Variants in PATE2 observed in about 807,000 individuals in gnomAD.
The protein encoded by PATE2 is prostate and testis expressed protein 2.
In PATE2, 7 loss-of-function variants were observed where a neutral mutation model predicts 10.5. The observed-to-expected ratio is 0.66, with a 90% CI of 0.38 to 1.25. The LOEUF (loss-of-function observed/expected upper bound fraction) is 1.25, where lower values mean the gene tolerates loss of function less well. Among genes scored for constraint, PATE2 ranks in the 50% most tolerant of loss-of-function variants. The probability of loss-of-function intolerance (pLI) is 0.02; values close to 1 mark genes in which losing one functional copy is unlikely to be tolerated. For missense variants in PATE2, 133 were observed against 135.4 expected, an observed-to-expected ratio of 0.98 and a Z score of 0.09; for synonymous variants, 44 against 46.9, an observed-to-expected ratio of 0.94 and a Z score of 0.25.
rs1479782456 is a variant in PATE2, at chr11:125,776,595, A to G, written c.*787T>C. ...CTACTACACCACCTGCCACATTATCAGCATTTTGTTTGCTCAGTCCCATGA... is the reference window on the plus strand; with the variant it reads ...CTACTACACCACCTGCCACATTATCGGCATTTTGTTTGCTCAGTCCCATGA... On this transcript the variant is annotated 3_prime_UTR_variant, in exon 4 of 4. Coordinates refer to ENST00000358524, the MANE Select transcript of PATE2 (RefSeq NM_212555.3). The G allele has an allele frequency of 6.6e-6, 1 of 152,188 alleles. No homozygotes were observed. Among genetic ancestry groups the G allele is most frequent in the East Asian group, 1.9e-4 (1 of 5,196 alleles). 9.4% of individuals were successfully genotyped at this position (152,188 alleles called of 1,614,324 possible).
At position 125,778,022 on chromosome 11, in the gene PATE2, G is replaced by A; in HGVS notation, c.77-20C>T. 1.2e-6 allele frequency: 2 copies of A among 1,610,376 alleles called. No homozygotes were observed. The highest frequency in any genetic ancestry group is 1.7e-6 in the Non-Finnish European group (2 of 1,178,726). ...CAGTCGCTGCCAGATACAAAAAGAG[G>A]TGCTTAGAGGATGCAGTCTTGAGAA... On this transcript the variant is annotated intron_variant, in intron 2 of 3. Transcript: ENST00000358524.
At position 125,777,971 on chromosome 11, in the gene PATE2, T is replaced by C. The variant is rs1203524478; in HGVS notation, c.108A>G (p.Lys36=). 1.9e-6 allele frequency: 3 copies of C among 1,613,036 alleles called. No individual in the cohort carries two copies. Among genetic ancestry groups the C allele is most frequent in the African/African-American group, 2.7e-5 (2 of 74,868 alleles). Residue 36 remains lysine (K), a synonymous_variant, in exon 3 of 4, where the codon AAA becomes AAG. Transcript: ENST00000358524. The part of the protein sequence containing the change: ...ATEIMCYECK[K]YHLGLCYGVM... ...CACCATAGCATAACCCAAGATGATA[T>C]TTTTTACATTCATAACACATTATTT...
At position 125,778,578 on chromosome 11, in the gene PATE2, G is replaced by C. The variant is rs572731012; in HGVS notation, c.53-3C>G. The C allele has an allele frequency of 9.9e-6, 16 of 1,613,462 alleles. No homozygotes were observed. In the East Asian group the frequency reaches 3.3e-4, roughly 34 times the overall value. On this transcript the variant is annotated splice_polypyrimidine_tract_variant and splice_region_variant and intron_variant, in intron 1 of 3. Transcript: ENST00000358524. ...TTTTATAGGGTCATGAAGTTCACCT[G>C]TGAAAAGAAGAAAAACCTTCCATGT...
chr11:125,777,324 G>A lies in PATE2; in HGVS notation c.*58C>T. The stretch of plus-strand genomic sequence containing the variant: ...GAGGAGAGCAAAATTCAGGTTCAGG[G>A]AAGAGAAAAAGAGCGTAGTGGTTGA... On this transcript the variant is annotated 3_prime_UTR_variant, in exon 4 of 4. Coordinates refer to ENST00000358524, the MANE Select transcript of PATE2 (RefSeq NM_212555.3). 1.3e-6 allele frequency: 2 copies of A among 1,579,826 alleles called. No individual in the cohort carries two copies. Among genetic ancestry groups the A allele is most frequent in the Non-Finnish European group, 1.7e-6 (2 of 1,154,596 alleles).
chr11:125,778,087 C>A (rs1365081), intron 2 of PATE2, 85 bp from the exon 3 acceptor site: 19 of 1,452,088 alleles, frequency 1.3e-5, no homozygotes, highest in South Asian at 3.8e-5. Flanking sequence ...GGACCTTATT[C>A]TTGCCTAGTG....
intron 1 of PATE2, 60 bp from the exon 2 acceptor site, chr11:125,778,635 A>G: frequency 6.2e-7 from 1 of 1,612,032 alleles, no homozygotes; most frequent in Non-Finnish European, 8.5e-7. Flanking sequence ...CACTGCCCCA[A>G]GAGCCAATTT....
intron 1 of PATE2, 71 bp downstream of exon 1, chr11:125,778,651 A>G (rs1943509842): frequency 1.2e-6 from 2 of 1,612,204 alleles, no homozygotes; most frequent in Non-Finnish European, 1.7e-6. Flanking sequence ...AATTTTGAAA[A>G]CTTTCTCTTC....
chr11:125,778,522 C>T, intron 2 of PATE2, 30 bp downstream of exon 2: 1 of 1,611,654 alleles, frequency 6.2e-7, no homozygotes, highest in Admixed American at 1.7e-5. Context: ...TGCCTGTTTA[C>T]CAAGGACTTC....
At position 125,778,011 on chromosome 11, in the gene PATE2, T is replaced by G. The variant is rs768150694; in HGVS notation, c.77-9A>C. 1 of 1,611,956 alleles carries G rather than the reference T, an allele frequency of 6.2e-7. No homozygotes were observed. The highest frequency in any genetic ancestry group is 8.5e-7 in the Non-Finnish European group (1 of 1,179,160). On this transcript the variant is annotated splice_polypyrimidine_tract_variant and intron_variant, in intron 2 of 3. Coordinates refer to ENST00000358524, the MANE Select transcript of PATE2 (RefSeq NM_212555.3). ...ACACATTATTTCAGTCGCTGCCAGA[T>G]ACAAAAAGAGGTGCTTAGAGGATGC...
chr11:125,777,438 C>T lies in PATE2; in HGVS notation c.286G>A (p.Val96Ile), dbSNP rs1346789841. 2.5e-6 allele frequency: 4 copies of T among 1,613,768 alleles called. No homozygotes were observed. In the South Asian group the frequency reaches 3.3e-5, roughly 13 times the overall value. ...CTATGATCACAACAGATGAGCTCTA[C>T]CCTCTTCGTGAACCCCAGGAAGTTG... ...DINFLGFTKR[V>I]ELICCDHSNY... Residue 96 changes from valine to isoleucine, a missense_variant, in exon 4 of 4, where the codon GTA (valine) becomes ATA (isoleucine). Coordinates refer to ENST00000358524, the MANE Select transcript of PATE2 (RefSeq NM_212555.3).
chr11:125,778,681 C>A (rs1349400370), intron 1 of PATE2, 41 bp downstream of exon 1: 1 of 1,613,406 alleles, frequency 6.2e-7, no homozygotes, highest in Non-Finnish European at 8.5e-7. Flanking sequence ...CTGTCCGTCT[C>A]TTAACCAACC....
intron 3 of PATE2, 104 bp from the exon 4 acceptor site, chr11:125,777,622 G>T: frequency 7.1e-7 from 1 of 1,417,082 alleles, no homozygotes; most frequent in Non-Finnish European, 9.7e-7. Flanking sequence ...CTTTCTCTAG[G>T]CCCAAATGAG....
chr11:125,777,869 A>G lies in PATE2; in HGVS notation c.205+5T>C. ...ATTTTCCAGTCACTCTATACTCCAC[A>G]TTACCTTTCCTTGTAAGGATGTAAA... is the stretch of plus-strand genomic sequence containing the variant. On this transcript the variant is annotated splice_donor_5th_base_variant and intron_variant, in intron 3 of 3. Transcript: ENST00000358524. The G allele has an allele frequency of 1.2e-6, 2 of 1,612,910 alleles. No individual in the cohort carries two copies. Among genetic ancestry groups the G allele is most frequent in the Non-Finnish European group, 1.7e-6 (2 of 1,179,382 alleles).
rs370743875 is a variant in PATE2, at chr11:125,777,889, T to C, written c.190A>G (p.Ile64Val). ...KQSCAVENFY[I>V]LTRKGQSMYH... ...TCCACATTACCTTTCCTTGTAAGGA[T>C]GTAAAAGTTCTCAACTGCACAGGAC... The change falls in exon 3 of 4, where the codon ATC becomes GTC. Residue 64 changes from isoleucine (I) to valine (V), a missense_variant. Transcript: ENST00000358524. The C allele has an allele frequency of 8.1e-6, 13 of 1,613,208 alleles. No homozygotes were observed. The highest frequency in any genetic ancestry group is 3.3e-5 in the Admixed American group (2 of 59,854).
rs1943495819 is a variant in PATE2, at chr11:125,777,437, A to G, written c.287T>C (p.Val96Ala). ...ACTATGATCACAACAGATGAGCTCT[A>G]CCCTCTTCGTGAACCCCAGGAAGTT... Reference protein sequence around the residue: ...DINFLGFTKRVELICCDHSNY... With the variant: ...DINFLGFTKRAELICCDHSNY... The change falls in exon 4 of 4, where the codon GTA becomes GCA. Residue 96 changes from valine to alanine, a missense_variant. Physicochemically the swap from Val to Ala is moderately conservative, Grantham distance 64 (BLOSUM62 0). Coordinates refer to ENST00000358524, the MANE Select transcript of PATE2 (RefSeq NM_212555.3). 1 of 1,613,648 alleles carries G rather than the reference A, an allele frequency of 6.2e-7. No homozygotes were observed. Among genetic ancestry groups the G allele is most frequent in the Non-Finnish European group, 8.5e-7 (1 of 1,179,766 alleles).
Position 125,777,477 on chromosome 11 carries a change from T to A in PATE2, c.247A>T (p.Ser83Cys). Reference protein sequence around the residue: ...YHYSKLSCMTSCEDINFLGFT... With the variant: ...YHYSKLSCMTCCEDINFLGFT... The stretch of plus-strand genomic sequence containing the variant: ...CCCAGGAAGTTGATGTCCTCACAGC[T>A]GGTCATACACGACAGTTTTGAATAA... Residue 83 changes from serine (S) to cysteine (C), a missense_variant, in exon 4 of 4, where the codon AGC (serine) becomes TGC (cysteine). Ser to Cys is a moderately radical substitution (Grantham distance 112, BLOSUM62 -1). Coordinates refer to ENST00000358524, the MANE Select transcript of PATE2 (RefSeq NM_212555.3). 1 of 1,613,800 alleles carries A rather than the reference T, an allele frequency of 6.2e-7. No individual in the cohort carries two copies.
chr11:125,776,588 C>G lies in PATE2; in HGVS notation c.*794G>C, dbSNP rs946446925. On this transcript the variant is annotated 3_prime_UTR_variant, in exon 4 of 4. Coordinates refer to ENST00000358524, the MANE Select transcript of PATE2 (RefSeq NM_212555.3). ...TCTTCAACTACTACACCACCTGCCACATTATCAGCATTTTGTTTGCTCAGT... is the reference window on the plus strand; with the variant it reads ...TCTTCAACTACTACACCACCTGCCAGATTATCAGCATTTTGTTTGCTCAGT... 2 of 152,214 alleles carry G rather than the reference C, an allele frequency of 1.3e-5. No homozygotes were observed. Among genetic ancestry groups the G allele is most frequent in the African/African-American group, 4.8e-5 (2 of 41,424 alleles). The allele number at this position is 152,214 out of a possible 1,614,324, so 9.4% of individuals were successfully genotyped here. A position where few individuals can be genotyped will look rare whatever the true frequency, so the allele number is the denominator to read the frequency against.
rs201305549 is a variant in PATE2 at position 125,777,951 on chromosome 11, T to C, written c.128A>G (p.Tyr43Cys). The change falls in exon 3 of 4, where the codon TAT becomes TGT. Residue 43 changes from tyrosine (Y) to cysteine (C), a missense_variant. Physicochemically the swap from Tyr to Cys is radical, Grantham distance 194 (BLOSUM62 -2). Transcript: ENST00000358524. Reference sequence around the variant, plus strand: ...CAGGGAGCAGGATGTCATGACACCATAGCATAACCCAAGATGATATTTTTT... The same window carrying C: ...CAGGGAGCAGGATGTCATGACACCACAGCATAACCCAAGATGATATTTTTT... ...ECKKYHLGLC[Y>C]GVMTSCSLKH... 3.1e-6 allele frequency: 5 copies of C among 1,612,966 alleles called. No homozygotes were observed. In the African/African-American group the frequency reaches 4.0e-5, roughly 13 times the overall value.
intron 2 of PATE2, among the ~76,000 whole-genome samples, chr11:125,778,215 A>T (rs896943649): frequency 3.9e-5 from 6 of 152,142 alleles, no homozygotes; most frequent in Non-Finnish European, 7.4e-5. Context: ...CTCCAATTAA[A>T]AAAATCTTGT....
Sources: gnomAD v4.1 joint callset for allele counts (sites outside exome capture counted in the v4.1 genomes callset) on GRCh38, gnomAD v4.1.1 for gene constraint, MANE v1.5 for transcripts, NCBI Gene and HGNC (gene_info 2026-07-23, HGNC 2026-07-21) for gene names.